GMCL1: variants seen among roughly 807,000 people sequenced by gnomAD.
GMCL1 encodes germ cell-less protein-like 1.
GMCL1 carries 54 observed loss-of-function variants against 75.5 expected under a neutral mutation model. The observed-to-expected ratio is 0.71, with a 90% CI of 0.57 to 0.90. The LOEUF is 0.90. Among genes scored for constraint, GMCL1 ranks in the 40% least tolerant of loss-of-function variants. GMCL1 has a pLI of 0.00. For missense variants in GMCL1, 537 were observed against 622.7 expected (o/e 0.86, Z 1.47); for synonymous variants, 210 against 209.6 (o/e 1.00, Z -0.02).
chr2:69,852,418 T>C (rs1675342452), intron 8 of GMCL1, among the ~76,000 whole-genome samples: 1 of 152,244 alleles, frequency 6.6e-6, no homozygotes, highest in South Asian at 2.1e-4. Flanking sequence ...CTTGTTTTTC[T>C]ATGAAGATTT....
intron 4 of GMCL1, 113 bp from the exon 5 acceptor site, chr2:69,843,036 C>G: frequency 1.2e-3 from 347 of 282,608 alleles, no homozygotes; most frequent in Middle Eastern, 4.5e-3. Flanking sequence ...AATGAGTTTT[C>G]TTTCTTTTCT....
chr2:69,854,189 A>C (rs564587951), intron 8 of GMCL1, among the ~76,000 whole-genome samples: 1 of 150,924 alleles, frequency 6.6e-6, no homozygotes, highest in East Asian at 1.9e-4. Flanking sequence ...TTGCTCTGTC[A>C]CACAGGCTGG....
intron 10 of GMCL1, among the ~76,000 whole-genome samples, chr2:69,861,648 C>A (rs1675651740): frequency 6.6e-6 from 1 of 152,014 alleles, no homozygotes; most frequent in African/African-American, 2.4e-5. Context: ...ACATACTGAA[C>A]TATTATTTGA....
chr2:69,842,481 TTTG>T (rs1675013487), intron 4 of GMCL1, among the ~76,000 whole-genome samples: 1 of 152,166 alleles, frequency 6.6e-6, no homozygotes, highest in Non-Finnish European at 1.5e-5. Context: ...TCCTTTTGGT[TTTG>T]TTCTAAATTC....
At chr2:69,844,577 T>C (rs1352594906) in intron 6 of GMCL1, 1 of 154,188 alleles carries the variant, frequency 6.5e-6, no homozygotes, top group African/African-American at 2.4e-5. Context: ...TTCAAAAACT[T>C]TTCATGTTGA....
chr2:69,880,092 T>C lies in GMCL1; in HGVS notation c.*1088T>C, dbSNP rs1186649921. On this transcript the variant is annotated 3_prime_UTR_variant, in exon 14 of 14. Transcript: ENST00000282570. ...TGAGATGTACACTTGTCATGATTTA[T>C]GTATGTTGACCTTTTGTGTTTATTA... 8.5e-5 allele frequency: 13 copies of C among 152,220 alleles called. No homozygotes were observed. Among genetic ancestry groups the C allele is most frequent in the Non-Finnish European group, 4.4e-5 (3 of 68,024 alleles). 9.4% of individuals were successfully genotyped at this position (152,220 alleles called of 1,614,324 possible). A position where few individuals can be genotyped will look rare whatever the true frequency, so the allele number is the denominator to read the frequency against.
At position 69,834,456 on chromosome 2, in the gene GMCL1, G is replaced by A. The variant is rs139657371; in HGVS notation, c.261-3091G>A. Among the ~76,000 whole-genome samples the A allele has an allele frequency of 2.4e-4, 37 of 152,258 alleles. No homozygotes were observed. In the South Asian group the frequency reaches 2.9e-3, roughly 12 times the overall value. ...GGGTGCAAAAGGGGGTAATTTGTGC[G>A]TATCTAAATATAAATTTAGTCTCTT... On this transcript the variant is annotated intron_variant, in intron 1 of 13. Coordinates refer to ENST00000282570, the MANE Select transcript of GMCL1 (RefSeq NM_178439.5).
Position 69,861,270 on chromosome 2 carries a change from C to A in GMCL1, c.1073-8C>A. 4 of 1,571,466 alleles carry A rather than the reference C, an allele frequency of 2.5e-6. No individual in the cohort carries two copies. The highest frequency in any genetic ancestry group is 1.1e-5 in the South Asian group (1 of 87,656). ...ATTTATTATTATTAATTTATTCTTA[C>A]ATTTCAGAATGGCTCTCTTCTGTGT... On this transcript the variant is annotated splice_polypyrimidine_tract_variant and splice_region_variant and intron_variant, in intron 9 of 13. Transcript: ENST00000282570.
intron 13 of GMCL1, chr2:69,873,946 C>CTTT (rs58504589): frequency 2.8e-5 from 4 of 142,344 alleles, no homozygotes; most frequent in African/African-American, 5.3e-5. Flanking sequence ...TAATTGTAAC[C>CTTT]TTTTTTTTTT....
intron 8 of GMCL1, among the ~76,000 whole-genome samples, chr2:69,852,261 G>A (rs1255411088): frequency 6.6e-6 from 1 of 152,166 alleles, no homozygotes; most frequent in Non-Finnish European, 1.5e-5. Flanking sequence ...AGCCTAAGTG[G>A]CAGAAACTAG....
chr2:69,867,673 C>A (rs191620518), intron 11 of GMCL1, among the ~76,000 whole-genome samples: 1 of 152,322 alleles, frequency 6.6e-6, no homozygotes, highest in East Asian at 1.9e-4. Flanking sequence ...TTAAACTCAC[C>A]TGGCTAAACC....
At chr2:69,862,836 G>A (rs941683961) in intron 10 of GMCL1, among the ~76,000 whole-genome samples, 2 of 152,100 alleles carry the variant, frequency 1.3e-5, no homozygotes, top group Admixed American at 6.5e-5. Flanking sequence ...ATTGAGAACT[G>A]AAGCATTTTG....
chr2:69,866,877 TCTC>T (rs1438417984), intron 11 of GMCL1, among the ~76,000 whole-genome samples: 1 of 152,182 alleles, frequency 6.6e-6, no homozygotes, highest in African/African-American at 2.4e-5. Context: ...TGAAGCAAAT[TCTC>T]CTACTATACC....
At chr2:69,851,298 C>G (rs1675312499) in intron 8 of GMCL1, among the ~76,000 whole-genome samples, 1 of 151,882 alleles carries the variant, frequency 6.6e-6, no homozygotes. Context: ...ATTAGCAGGG[C>G]AGCCTGGCAC....
chr2:69,851,006 T>C (rs1427027314), intron 8 of GMCL1, among the ~76,000 whole-genome samples: 1 of 152,260 alleles, frequency 6.6e-6, no homozygotes, highest in African/African-American at 2.4e-5. Flanking sequence ...TCTGTTCAGG[T>C]ATGTTTCCTA....
chr2:69,860,961 GC>G (rs1200811687), intron 9 of GMCL1, among the ~76,000 whole-genome samples: 1 of 152,150 alleles, frequency 6.6e-6, no homozygotes, highest in Non-Finnish European at 1.5e-5. Flanking sequence ...TCCCGCCTCA[GC>G]CCCCCAAGTA....
intron 12 of GMCL1, 24 bp downstream of exon 12, chr2:69,869,888 ACTC>A (rs756317315): frequency 1.3e-6 from 2 of 1,599,020 alleles, no homozygotes; most frequent in Non-Finnish European, 1.7e-6. Flanking sequence ...TCCCCACCCC[ACTC>A]CTCCTCACTC....
intron 10 of GMCL1, among the ~76,000 whole-genome samples, 194 bp from the exon 11 acceptor site, chr2:69,864,706 T>C (rs941923897): frequency 2.7e-5 from 4 of 148,396 alleles, no homozygotes; most frequent in Admixed American, 1.4e-4. Context: ...AAGTGAAACA[T>C]AGAAGATATT....
At chr2:69,860,010 A>AT (rs531898355) in intron 9 of GMCL1, among the ~76,000 whole-genome samples, 5 of 151,844 alleles carry the variant, frequency 3.3e-5, no homozygotes, top group African/African-American at 9.7e-5. Flanking sequence ...GTATTTATTT[A>AT]TTTTTTTTGA....
Sources: gnomAD v4.1 joint callset for allele counts (sites outside exome capture counted in the v4.1 genomes callset) on GRCh38, gnomAD v4.1.1 for gene constraint, MANE v1.5 for transcripts, NCBI Gene and HGNC (gene_info 2026-07-23, HGNC 2026-07-21) for gene names.